Variants in PFKFB3 observed in about 807,000 individuals in gnomAD.
PFKFB3 encodes 6-phosphofructo-2-kinase/fructose-2,6-biphosphatase 3.
Under a neutral mutation model 68.0 loss-of-function variants are expected in PFKFB3, and 33 were observed. The observed-to-expected ratio is 0.49, with a 90% CI of 0.37 to 0.65. The LOEUF (loss-of-function observed/expected upper bound fraction) is 0.65, where lower values mean the gene tolerates loss of function less well. Ranked by LOEUF, PFKFB3 falls within the 30% of genes least tolerant of loss-of-function variation. PFKFB3 has a pLI of 0.00. For synonymous variants in PFKFB3, 315 were observed against 288.2 expected, an observed-to-expected ratio of 1.09 and a Z score of -0.94; for missense variants, 586 against 712.2, an observed-to-expected ratio of 0.82 and a Z score of 2.02.
At chr10:6,244,433 A>G (rs1846209563) in intron 14 of PFKFB3, among the ~76,000 whole-genome samples, 1 of 152,120 alleles carries the variant, frequency 6.6e-6, no homozygotes. Flanking sequence ...TTGGCTGCTC[A>G]TTCTTTTTGA....
chr10:6,219,418 G>A (rs1233876688), intron 6 of PFKFB3, 151 bp from the exon 7 acceptor site: 2 of 760,840 alleles, frequency 2.6e-6, no homozygotes, highest in Non-Finnish European at 4.4e-6. Flanking sequence ...TCAGCCCCCA[G>A]CATCTTTCTC....
intron 14 of PFKFB3, among the ~76,000 whole-genome samples, chr10:6,240,989 C>T (rs1393801277): frequency 6.6e-6 from 1 of 152,064 alleles, no homozygotes; most frequent in African/African-American, 2.4e-5. Flanking sequence ...ACTGCAACCT[C>T]CATCTCCCAG....
the PFKFB3 span, among the ~76,000 whole-genome samples, chr10:6,284,721 A>C: frequency 6.6e-6 from 1 of 152,164 alleles, no homozygotes; most frequent in African/African-American, 2.4e-5. Flanking sequence ...GAACTCACTG[A>C]ACTGTAACTC....
the PFKFB3 span, among the ~76,000 whole-genome samples, chr10:6,317,120 A>T: frequency 6.6e-6 from 1 of 152,170 alleles, no homozygotes; most frequent in South Asian, 2.1e-4. Context: ...AAGCCCATGG[A>T]CCCCACCTGA....
chr10:6,246,138 G>A (rs1293859949), intron 14 of PFKFB3, among the ~76,000 whole-genome samples: 2 of 152,034 alleles, frequency 1.3e-5, no homozygotes, highest in Admixed American at 6.6e-5. Context: ...GCTTCCTGAG[G>A]GTCTCCCATT....
Position 6,229,354 on chromosome 10 carries a change from G to A in PFKFB3, c.1515+2989G>A, listed in dbSNP as rs571144217. ...GGCCCGTGCTTCCAGCAGGTGAGCC[G>A]CAGAGCCGGGGCCTGAAAGGCCCCT... On this transcript the variant is annotated intron_variant, in intron 14 of 14. Coordinates refer to ENST00000379775, the MANE Select transcript of PFKFB3 (RefSeq NM_004566.4). The surrounding 1 kb of genome is among the most constrained non-coding windows in gnomAD (Gnocchi z 4.3). Among the ~76,000 whole-genome samples the A allele has an allele frequency of 2.4e-4, 36 of 152,308 alleles. No individual in the cohort carries two copies. Among genetic ancestry groups the A allele is most frequent in the East Asian group, 1.4e-3 (7 of 5,170 alleles).
In PFKFB3 at chr10:6,192,139, T is replaced by TACACACACACACACACACACACAC. The variant is rs60638987; in HGVS notation, c.17-21462_17-21439dup. ...CAGCAGAGTCAATGACATTCCCCAA[T>TACACACACACACACACACACACAC]ACACACACACACACACACACACACA... On this transcript the variant is annotated intron_variant, in intron 1 of 14. Transcript: ENST00000379789. 3.4e-5 allele frequency among the ~76,000 whole-genome samples: 4 copies of TACACACACACACACACACACACAC among 119,082 alleles called. 1 individual carries two copies. Among genetic ancestry groups the TACACACACACACACACACACACAC allele is most frequent in the African/African-American group, 1.4e-4 (4 of 29,304 alleles). 78.1% of individuals were successfully genotyped at this position (119,082 alleles called of 152,430 possible). A position where few individuals can be genotyped will look rare whatever the true frequency, so the allele number is the denominator to read the frequency against.
the PFKFB3 span, among the ~76,000 whole-genome samples, chr10:6,260,910 T>C: frequency 1.3e-3 from 197 of 152,314 alleles, no homozygotes; most frequent in Admixed American, 2.0e-3. Flanking sequence ...TGAGATTACA[T>C]TGGATATGTA....
At chr10:6,299,274 G>C in the PFKFB3 span, among the ~76,000 whole-genome samples, 1 of 152,182 alleles carries the variant, frequency 6.6e-6, no homozygotes, top group Admixed American at 6.5e-5. Flanking sequence ...AGACGAACCA[G>C]CTTCTATTCC....
upstream of PFKFB3, among the ~76,000 whole-genome samples, chr10:6,201,996 G>A (rs955327651): frequency 1.3e-5 from 2 of 152,242 alleles, no homozygotes; most frequent in Non-Finnish European, 2.9e-5. The surrounding 1 kb of genome is among the most constrained non-coding windows in gnomAD (Gnocchi z 4.1). Context: ...GGATAACGGA[G>A]TGAATTTTAG....
rs745927157 is a variant in PFKFB3, at chr10:6,221,435, G to A, written c.886G>A (p.Val296Met). The change falls in exon 9 of 15, where the codon GTG becomes ATG. Residue 296 changes from valine (V) to methionine (M), a missense_variant. Val to Met is a conservative substitution (Grantham distance 21, BLOSUM62 1). Transcript: ENST00000379775. ...VEEQNLKDLR[V>M]WTSQLKSTIQ... The stretch of plus-strand genomic sequence containing the variant: ...GGAGCAGAACCTGAAGGACCTGCGC[G>A]TGTGGACCAGCCAGCTGAAGAGCAC... 2.5e-6 allele frequency: 4 copies of A among 1,613,732 alleles called. No homozygotes were observed. The highest frequency in any genetic ancestry group is 1.3e-5 in the African/African-American group (1 of 74,926).
At chr10:6,255,844 C>T (rs1466005628), downstream of PFKFB3, among the ~76,000 whole-genome samples, 3 of 152,178 alleles carry the variant, frequency 2.0e-5, no homozygotes, top group Non-Finnish European at 4.4e-5. Flanking sequence ...TCACCGTGTG[C>T]GGGAGACGTG....
At chr10:6,320,549 T>C in the PFKFB3 span, among the ~76,000 whole-genome samples, 5 of 151,980 alleles carry the variant, frequency 3.3e-5, no homozygotes, top group African/African-American at 7.2e-5. Context: ...CTGAGATCAA[T>C]TGAGCTGAGA....
chr10:6,145,709 G>A (rs760727522), intron 1 of PFKFB3, among the ~76,000 whole-genome samples: 1 of 152,190 alleles, frequency 6.6e-6, no homozygotes, highest in Non-Finnish European at 1.5e-5. Flanking sequence ...GCTAGGGACG[G>A]CCGCGTGAGG....
intron 10 of PFKFB3, 62 bp from the exon 11 acceptor site, chr10:6,222,793 G>A (rs1845060516): frequency 1.9e-6 from 3 of 1,543,324 alleles, no homozygotes; most frequent in Middle Eastern, 1.8e-4. Flanking sequence ...GCAGTCTGTG[G>A]CCAGCGGCAG....
At chr10:6,176,588 G>A (rs1264973558) in intron 1 of PFKFB3, among the ~76,000 whole-genome samples, 1 of 152,070 alleles carries the variant, frequency 6.6e-6, no homozygotes, top group Non-Finnish European at 1.5e-5. Flanking sequence ...TAAGTTCTTT[G>A]TTGTCCAGGC....
chr10:6,171,582 G>A (rs1053082456), intron 1 of PFKFB3, among the ~76,000 whole-genome samples: 2 of 151,934 alleles, frequency 1.3e-5, no homozygotes, highest in Non-Finnish European at 2.9e-5. Context: ...TTGTAGAGAT[G>A]AGGTCCCTCT....
At chr10:6,297,502 C>T in the PFKFB3 span, among the ~76,000 whole-genome samples, 1 of 151,282 alleles carries the variant, frequency 6.6e-6, no homozygotes, top group South Asian at 2.1e-4. Context: ...AGTGAGGTGT[C>T]CTTCTTTTTT....
chr10:6,295,775 G>C, the PFKFB3 span, among the ~76,000 whole-genome samples: 2 of 152,158 alleles, frequency 1.3e-5, no homozygotes, highest in African/African-American at 4.8e-5. Context: ...AGCTCTGGGT[G>C]TATTTCAGAA....
Sources: gnomAD v4.1 joint callset for allele counts (sites outside exome capture counted in the v4.1 genomes callset) on GRCh38, gnomAD v4.1.1 for gene constraint, Gnocchi (gnomAD v3.1) non-coding constraint, MANE v1.5 for transcripts, NCBI Gene and HGNC (gene_info 2026-07-23, HGNC 2026-07-21) for gene names.